PACSIN2: variants seen among roughly 807,000 people sequenced by gnomAD.
PACSIN2 encodes the protein protein kinase C and casein kinase substrate in neurons protein 2.
A neutral mutation model predicts 63.8 loss-of-function variants in PACSIN2; 25 were observed. That is an observed-to-expected ratio of 0.39 (90% CI 0.29 to 0.55). The LOEUF is 0.55. PACSIN2 is among the 20% of genes least tolerant of loss of function. The pLI, the probability that PACSIN2 is intolerant of heterozygous loss-of-function variation, is 0.62. For synonymous variants in PACSIN2, 255 were observed against 256.2 expected (o/e 1.00, Z 0.05); for missense variants, 518 against 646.9 (o/e 0.80, Z 2.16).
chr22:42,916,477 A>T (rs1931816733), intron 1 of PACSIN2, among the ~76,000 whole-genome samples: 1 of 152,072 alleles, frequency 6.6e-6, no homozygotes, highest in Non-Finnish European at 1.5e-5. Flanking sequence ...GACAACTCCC[A>T]AGTCCCCTCT....
At chr22:42,917,573 C>A (rs1280168213) in intron 1 of PACSIN2, among the ~76,000 whole-genome samples, 1 of 152,072 alleles carries the variant, frequency 6.6e-6, no homozygotes, top group Non-Finnish European at 1.5e-5. Context: ...TATTATTGTG[C>A]CACTGCACTC....
rs777216700 is a variant in PACSIN2 at position 42,891,056 on chromosome 22, C to T, written c.344G>A (p.Trp115Ter). 10 of 1,614,170 alleles carry T rather than the reference C, an allele frequency of 6.2e-6. No homozygotes were observed. The highest frequency in any genetic ancestry group is 8.5e-6 in the Non-Finnish European group (10 of 1,180,038). Residue 115 changes from tryptophan (W) to a stop codon, truncating the protein, a stop_gained, in exon 4 of 11, where the codon TGG becomes TAG. Transcript: ENST00000263246. LOFTEE classifies it high-confidence loss of function. ...MNDDFEKIKN[W>*]QKEAFHKQMM... ...CTGCTTGTGAAAGGCTTCCTTCTGC[C>T]AGTTCTTGATCTTCTCGAAGTCATC...
intron 3 of PACSIN2, among the ~76,000 whole-genome samples, chr22:42,891,531 G>C (rs1929915293): frequency 1.3e-5 from 2 of 152,240 alleles, no homozygotes; most frequent in Admixed American, 1.3e-4. Context: ...CTCCCGAGTA[G>C]CTGGGATTAC....
At chr22:42,899,999 G>A (rs953702110) in intron 2 of PACSIN2, among the ~76,000 whole-genome samples, 2 of 152,188 alleles carry the variant, frequency 1.3e-5, no homozygotes, top group African/African-American at 2.4e-5. Context: ...AGACAGGAAC[G>A]GTTATTGATG....
chr22:42,879,038 G>T lies in PACSIN2; in HGVS notation c.1028+10C>A. The T allele has an allele frequency of 6.2e-7, 1 of 1,611,088 alleles. No individual in the cohort carries two copies. Among genetic ancestry groups the T allele is most frequent in the Non-Finnish European group, 8.5e-7 (1 of 1,178,260 alleles). ...ACGGCCTCTTTTGGATGGAGGTGGC[G>T]CCCACTCACCTGCTGGGCTTACTCG... On this transcript the variant is annotated intron_variant, in intron 8 of 10. Coordinates refer to ENST00000263246, the MANE Select transcript of PACSIN2 (RefSeq NM_001184970.3).
At chr22:42,988,989 C>T (rs1227499466) in intron 1 of PACSIN2, among the ~76,000 whole-genome samples, 1 of 152,098 alleles carries the variant, frequency 6.6e-6, no homozygotes, top group Non-Finnish European at 1.5e-5. Flanking sequence ...AAGCAACTCT[C>T]CCACCTCAGC....
chr22:42,992,147 A>G lies in PACSIN2; in HGVS notation c.-78+22874T>C, dbSNP rs115204312. On this transcript the variant is annotated intron_variant, in intron 1 of 10. Coordinates refer to ENST00000263246, the MANE Select transcript of PACSIN2 (RefSeq NM_001184970.3). ...ATTGTATCCAAAATATATTTTAAAA[A>G]TTTCAAAACTAAGTTAATAAAACAA... Among the ~76,000 whole-genome samples the G allele has an allele frequency of 5.0e-3, 755 of 152,380 alleles. 4 individuals are homozygous for G. Among genetic ancestry groups the G allele is most frequent in the African/African-American group, 0.017 (722 of 41,586 alleles).
intron 1 of PACSIN2, among the ~76,000 whole-genome samples, chr22:42,920,663 G>A (rs1186898836): frequency 6.6e-6 from 1 of 152,136 alleles, no homozygotes; most frequent in Non-Finnish European, 1.5e-5. Context: ...TGTGCACCAG[G>A]AGAAGAAAAC....
intron 1 of PACSIN2, among the ~76,000 whole-genome samples, chr22:42,947,813 T>C (rs1162579935): frequency 1.3e-5 from 2 of 152,264 alleles, no homozygotes; most frequent in African/African-American, 4.8e-5. Context: ...GGCTGGGACC[T>C]GGCACAGTGC....
At chr22:42,907,693 C>A (rs1931175648) in intron 2 of PACSIN2, among the ~76,000 whole-genome samples, 1 of 152,272 alleles carries the variant, frequency 6.6e-6, no homozygotes, top group African/African-American at 2.4e-5. Context: ...TTCGTGCTTG[C>A]GCTCAGGGCA....
In PACSIN2 at chr22:42,871,495, C is replaced by T; in HGVS notation, c.1349-26G>A. The T allele has an allele frequency of 6.5e-7, 1 of 1,548,740 alleles. No homozygotes were observed. Among genetic ancestry groups the T allele is most frequent in the Non-Finnish European group, 8.9e-7 (1 of 1,120,070 alleles). On this transcript the variant is annotated intron_variant, in intron 10 of 10. Transcript: ENST00000263246. This position sits in a 1 kb window ranked among gnomAD's most constrained non-coding sequence, Gnocchi z 5.4. ...CTGCAAGACAAAGAGGGAGCCGTCT[C>T]CATGAGAGGTATGACACCGACGGTG...
chr22:42,990,203 C>T (rs1167183087), intron 1 of PACSIN2, among the ~76,000 whole-genome samples: 8 of 151,982 alleles, frequency 5.3e-5, no homozygotes, highest in East Asian at 1.9e-4. Flanking sequence ...ACGTGACTTT[C>T]CACATGAGGG....
intron 1 of PACSIN2, among the ~76,000 whole-genome samples, chr22:42,935,359 C>A (rs906915425): frequency 6.6e-6 from 1 of 152,020 alleles, no homozygotes; most frequent in Non-Finnish European, 1.5e-5. Context: ...TCCCATGGGG[C>A]GGGGTGGGGG....
chr22:42,888,788 G>A lies in PACSIN2; in HGVS notation c.464C>T (p.Ala155Val). The A allele has an allele frequency of 1.2e-6, 2 of 1,614,146 alleles. No homozygotes were observed. Among genetic ancestry groups the A allele is most frequent in the Non-Finnish European group, 1.7e-6 (2 of 1,180,016 alleles). The change falls in exon 5 of 11, where the codon GCA becomes GTA. Residue 155 changes from alanine to valine, a missense_variant. This residue lies in a region of PACSIN2 where 507 missense variants were observed against 612.3 expected (regional missense o/e 0.83). Coordinates refer to ENST00000263246, the MANE Select transcript of PACSIN2 (RefSeq NM_001184970.3). Reference protein sequence around the residue: ...WAKKLKEVEAAKKAHHAACKE... With the variant: ...WAKKLKEVEAVKKAHHAACKE... ...GCACGCTGCATGGTGGGCTTTCTTT[G>A]CTGCTTCTACCTACAGGGAGAATGA...
In PACSIN2 at chr22:42,871,111, A is replaced by G; in HGVS notation, c.*246T>C. 5.4e-6 allele frequency: 3 copies of G among 550,528 alleles called. No individual in the cohort carries two copies. Among genetic ancestry groups the G allele is most frequent in the Admixed American group, 6.2e-5 (2 of 32,456 alleles). The allele number at this position is 550,528 out of a possible 1,614,324, so 34.1% of individuals were successfully genotyped here. A position where few individuals can be genotyped will look rare whatever the true frequency, so the allele number is the denominator to read the frequency against. ...AGATCTATGATAGGCCAACAGGCAC[A>G]GTGGGCGGGGAGGGGCGGCTATTTC... On this transcript the variant is annotated 3_prime_UTR_variant, in exon 11 of 11. Coordinates refer to ENST00000263246, the MANE Select transcript of PACSIN2 (RefSeq NM_001184970.3). The surrounding 1 kb of genome is among the most constrained non-coding windows in gnomAD (Gnocchi z 5.4).
intron 3 of PACSIN2, among the ~76,000 whole-genome samples, chr22:42,891,440 G>A (rs1253256639): frequency 1.3e-5 from 2 of 151,856 alleles, no homozygotes; most frequent in African/African-American, 4.8e-5. Flanking sequence ...CGCTCTTATT[G>A]TCCCGGCTGG....
intron 1 of PACSIN2, among the ~76,000 whole-genome samples, chr22:42,951,620 A>G (rs1037312504): frequency 1.3e-5 from 2 of 152,270 alleles, no homozygotes; most frequent in Non-Finnish European, 1.5e-5. Flanking sequence ...CCCCAGTGTC[A>G]TCCCTGACTC....
Position 42,890,947 on chromosome 22 carries a change from C to T in PACSIN2, c.453G>A (p.Glu151=). 1 of 1,613,346 alleles carries T rather than the reference C, an allele frequency of 6.2e-7. No homozygotes were observed. The highest frequency in any genetic ancestry group is 1.3e-5 in the African/African-American group (1 of 74,998). The change falls in exon 4 of 11, where the codon GAG becomes GAA. Residue 151 remains glutamate (E), a splice_region_variant and synonymous_variant. Transcript: ENST00000263246. ...AQKPWAKKLK[E]VEAAKKAHHA... is the part of the protein sequence containing the mutation. ...AGGGAAGCCTGCAGGACAGATGTAC[C>T]TCTTTCAGCTTCTTGGCCCAGGGCT... is the stretch of plus-strand genomic sequence containing the variant.
chr22:42,919,842 A>C (rs943803466), intron 1 of PACSIN2, among the ~76,000 whole-genome samples: 2 of 150,042 alleles, frequency 1.3e-5, no homozygotes, highest in South Asian at 2.1e-4. Flanking sequence ...TCAGCCAGGC[A>C]CGGTGGTTCA....
Sources: allele counts gnomAD v4.1 joint callset (sites outside exome capture counted in the v4.1 genomes callset), GRCh38; gene constraint gnomAD v4.1.1; regional missense constraint gnomAD v4.1.1; non-coding constraint Gnocchi (gnomAD v3.1); transcripts MANE v1.5; gene names NCBI Gene and HGNC (gene_info 2026-07-23, HGNC 2026-07-21).